INTU: variants seen among roughly 807,000 people sequenced by gnomAD.
INTU encodes inturned planar cell polarity protein.
In INTU, 68 loss-of-function variants were observed where a neutral mutation model predicts 100.5. That is an observed-to-expected ratio of 0.68 (90% confidence interval 0.56 to 0.83). The LOEUF (loss-of-function observed/expected upper bound fraction) is 0.83, where lower values mean the gene tolerates loss of function less well. Among genes scored for constraint, INTU ranks in the 40% least tolerant of loss-of-function variants. The pLI is 0.00. For missense variants in INTU, 1,071 were observed against 1,114.7 expected (o/e 0.96, Z 0.56); for synonymous variants, 357 against 395.7 (o/e 0.90, Z 1.16).
chr4:127,649,731 G>A (rs1001683311), intron 2 of INTU, among the ~76,000 whole-genome samples: 16 of 152,262 alleles, frequency 1.1e-4, no homozygotes, highest in African/African-American at 3.8e-4. Flanking sequence ...TAAGCTCCCT[G>A]AGAGTAGAGA....
At chr4:127,655,824 C>G (rs994437231) in intron 2 of INTU, among the ~76,000 whole-genome samples, 2 of 152,188 alleles carry the variant, frequency 1.3e-5, no homozygotes, top group Non-Finnish European at 2.9e-5. Flanking sequence ...CCCCCAGCCT[C>G]GCTGCCGCCT....
chr4:127,700,456 G>A (rs1339391019), intron 9 of INTU, among the ~76,000 whole-genome samples: 2 of 152,136 alleles, frequency 1.3e-5, no homozygotes. Context: ...CCTAGCAATA[G>A]TGACCATCGC....
rs1258315605 is a variant in INTU at position 127,720,505 on chromosome 4, T to C, written c.*4069T>C. On this transcript the variant is annotated 3_prime_UTR_variant, in exon 16 of 16. Coordinates refer to ENST00000335251, the MANE Select transcript of INTU (RefSeq NM_015693.4). ...TAGATATTTATCAGGTCCCACTTGA[T>C]CCAGAGCTGAGGTCAAGTCCTGAAT... 3 of 152,196 alleles carry C rather than the reference T, an allele frequency of 2.0e-5. No homozygotes were observed. The highest frequency in any genetic ancestry group is 4.4e-5 in the Non-Finnish European group (3 of 68,042). 9.4% of individuals were successfully genotyped at this position (152,196 alleles called of 1,614,324 possible).
intron 1 of INTU, among the ~76,000 whole-genome samples, chr4:127,640,975 G>A (rs995237103): frequency 6.6e-6 from 1 of 151,430 alleles, no homozygotes; most frequent in African/African-American, 2.4e-5. Context: ...ATGCATGAAA[G>A]TATAGTCACC....
chr4:127,674,449 C>G (rs1729080422), intron 6 of INTU, among the ~76,000 whole-genome samples: 1 of 152,160 alleles, frequency 6.6e-6, no homozygotes. Flanking sequence ...ACACTTGCTT[C>G]TTTTGTGGTC....
intron 9 of INTU, among the ~76,000 whole-genome samples, chr4:127,702,891 C>T (rs1007911747): frequency 2.6e-5 from 4 of 152,098 alleles, no homozygotes; most frequent in African/African-American, 9.7e-5. Flanking sequence ...TCATCCTGCT[C>T]AGCCTGGCCC....
At chr4:127,640,542 CATATATATAT>C (rs869116277) in intron 1 of INTU, among the ~76,000 whole-genome samples, 6,309 of 53,358 alleles carry the variant, frequency 0.12, 359 homozygotes, top group South Asian at 0.15. Context: ...GGTAAAGATA[CATATATATAT>C]ATATATATAT....
Position 127,656,671 on chromosome 4 carries a change from A to G in INTU, c.718A>G (p.Thr240Ala). Reference protein sequence around the residue: ...VLVAVNDVDVTTENIERVLSC... With the variant: ...VLVAVNDVDVATENIERVLSC... Reference sequence around the variant, plus strand: ...TGTTGCTGTGAATGATGTCGATGTTACTACTGAAAACATCGAGAGAGTTCT... The same window carrying G: ...TGTTGCTGTGAATGATGTCGATGTTGCTACTGAAAACATCGAGAGAGTTCT... Residue 240 changes from threonine (T) to alanine (A), a missense_variant, in exon 3 of 16, where the codon ACT becomes GCT. By Grantham distance (58) the Thr-to-Ala change is moderately conservative. Coordinates refer to ENST00000335251, the MANE Select transcript of INTU (RefSeq NM_015693.4). 1 of 1,610,620 alleles carries G rather than the reference A, an allele frequency of 6.2e-7. No homozygotes were observed. The highest frequency in any genetic ancestry group is 1.3e-5 in the African/African-American group (1 of 75,036).
intron 2 of INTU, among the ~76,000 whole-genome samples, chr4:127,652,222 G>A (rs1466462985): frequency 7.5e-6 from 1 of 134,042 alleles, no homozygotes; most frequent in Non-Finnish European, 1.6e-5. Flanking sequence ...TCCTTCTCCT[G>A]CCTAATTGCC....
chr4:127,698,248 G>A (rs762852006), intron 8 of INTU, among the ~76,000 whole-genome samples: 2 of 152,150 alleles, frequency 1.3e-5, no homozygotes, highest in South Asian at 2.1e-4. Flanking sequence ...GGATCACAAG[G>A]TCAGGAGTTC....
chr4:127,651,502 C>T (rs1727874472), intron 2 of INTU, among the ~76,000 whole-genome samples: 1 of 152,172 alleles, frequency 6.6e-6, no homozygotes, highest in Non-Finnish European at 1.5e-5. Context: ...TTGTTTTTCT[C>T]AGGTTTGTCA....
intron 3 of INTU, among the ~76,000 whole-genome samples, chr4:127,661,618 C>A (rs1298330836): frequency 6.6e-6 from 1 of 152,156 alleles, no homozygotes; most frequent in Admixed American, 6.6e-5. Context: ...CTCAGAGCTC[C>A]TTCCTAAAGC....
At chr4:127,667,623 GT>G (rs1728753882) in intron 4 of INTU, among the ~76,000 whole-genome samples, 1 of 151,994 alleles carries the variant, frequency 6.6e-6, no homozygotes, top group African/African-American at 2.4e-5. Context: ...TTAAAGTAGT[GT>G]ATGGTATTTT....
At chr4:127,706,213 T>A (rs1224681781) in intron 11 of INTU, among the ~76,000 whole-genome samples, 1 of 152,194 alleles carries the variant, frequency 6.6e-6, no homozygotes. Context: ...TTCCAGTAAC[T>A]GAGGCTCTTG....
At chr4:127,707,411 A>G (rs1035610306) in intron 12 of INTU, among the ~76,000 whole-genome samples, 2 of 150,992 alleles carry the variant, frequency 1.3e-5, no homozygotes, top group African/African-American at 4.9e-5. Context: ...AAAAAAAAAA[A>G]AAAAAAGAAA....
Position 127,694,390 on chromosome 4 carries a change from G to T in INTU, c.1450-5620G>T, listed in dbSNP as rs567617140. Among the ~76,000 whole-genome samples the T allele has an allele frequency of 3.3e-5, 5 of 152,010 alleles. No individual in the cohort carries two copies. The East Asian group carries it at 9.7e-4, about 29-fold the overall frequency. On this transcript the variant is annotated intron_variant, in intron 8 of 15. Coordinates refer to ENST00000335251, the MANE Select transcript of INTU (RefSeq NM_015693.4). ...CTATAGTAGCCTTCAGTAATCTTTT[G>T]TATTGCTGTGTTATCAGTTGTAATA...
In INTU at chr4:127,713,938, A is replaced by G. The variant is rs1309692272; in HGVS notation, c.2562A>G (p.Lys854=). The part of the protein sequence containing the change: ...AVFQQTLVEE[K]KKGLNSGDHS... Reference sequence around the variant, plus strand: ...TAACAATACCTATTAATTTACAGAAAAAGAAAGGACTAAATAGTGGAGACC... The same window carrying G: ...TAACAATACCTATTAATTTACAGAAGAAGAAAGGACTAAATAGTGGAGACC... Residue 854 remains lysine, a splice_region_variant and synonymous_variant, in exon 15 of 16, where the codon AAA becomes AAG. Transcript: ENST00000335251. 1 of 1,590,866 alleles carries G rather than the reference A, an allele frequency of 6.3e-7. No individual in the cohort carries two copies. The highest frequency in any genetic ancestry group is 1.7e-5 in the Admixed American group (1 of 57,460).
intron 6 of INTU, among the ~76,000 whole-genome samples, chr4:127,679,248 A>C (rs926273336): frequency 3.3e-5 from 5 of 152,136 alleles, no homozygotes; most frequent in African/African-American, 4.8e-5. Context: ...CTGCACCAAG[A>C]GGACCTAACA....
chr4:127,656,189 C>G (rs1051488845), intron 2 of INTU, among the ~76,000 whole-genome samples: 1 of 152,174 alleles, frequency 6.6e-6, no homozygotes, highest in Non-Finnish European at 1.5e-5. Flanking sequence ...TCTTCTGCGT[C>G]GCTCACACTG....
Sources: gnomAD v4.1 joint callset for allele counts (sites outside exome capture counted in the v4.1 genomes callset) on GRCh38, gnomAD v4.1.1 for gene constraint, MANE v1.5 for transcripts, NCBI Gene and HGNC (gene_info 2026-07-23, HGNC 2026-07-21) for gene names.